TRIB2: variants seen among roughly 807,000 people sequenced by gnomAD.
TRIB2 encodes tribbles homolog 2.
In TRIB2, 2 loss-of-function variants were observed where a neutral mutation model predicts 26.8. That is an observed-to-expected ratio of 0.07 (90% CI 0.03 to 0.24). TRIB2 has a LOEUF of 0.24. Among genes scored for constraint, TRIB2 ranks in the 10% least tolerant of loss-of-function variants. The pLI is 1.00. For missense variants in TRIB2, 306 were observed against 449.0 expected, an observed-to-expected ratio of 0.68 and a Z score of 2.88; for synonymous variants, 189 against 187.3, an observed-to-expected ratio of 1.01 and a Z score of -0.08.
rs368445022 is a variant in TRIB2 at position 12,738,384 on chromosome 2, G to A, written c.564-1942G>A. Among the ~76,000 whole-genome samples the A allele has an allele frequency of 4.0e-4, 61 of 152,250 alleles. No individual in the cohort carries two copies. The South Asian group carries it at 7.3e-3, about 18-fold the overall frequency. On this transcript the variant is annotated intron_variant, in intron 2 of 2. Coordinates refer to ENST00000155926, the MANE Select transcript of TRIB2 (RefSeq NM_021643.4). ...GGGCAAACAGGGCAGATGCTTGCAC[G>A]TGCGCTTGCATGTGTGCTTTTGAGA... is the stretch of plus-strand genomic sequence containing the variant.
rs1661306722 is a variant in TRIB2, at chr2:12,724,967, A to G, written c.563+1415A>G. The G allele has an allele frequency of 3.1e-6, 4 of 1,302,394 alleles. No individual in the cohort carries two copies. In the African/African-American group the frequency reaches 6.0e-5, roughly 19 times the overall value. The allele number at this position is 1,302,394 out of a possible 1,614,324, so 80.7% of individuals were successfully genotyped here. On this transcript the variant is annotated intron_variant, in intron 2 of 2. Transcript: ENST00000155926. The stretch of plus-strand genomic sequence containing the variant: ...AAGAGGTCATATTTGTTTACCTCTT[A>G]CCATAAGGTTAAAGTTTAATTCTCT...
chr2:12,722,862 G>T (rs1001506590), intron 1 of TRIB2, among the ~76,000 whole-genome samples: 1 of 152,124 alleles, frequency 6.6e-6, no homozygotes, highest in Non-Finnish European at 1.5e-5. Flanking sequence ...ATAAAGTGTT[G>T]TTGATGTCAT....
chr2:12,731,844 C>A (rs1048095815), intron 2 of TRIB2, among the ~76,000 whole-genome samples: 1 of 152,146 alleles, frequency 6.6e-6, no homozygotes, highest in Non-Finnish European at 1.5e-5. Context: ...AATTCTGGAC[C>A]CCGAAGCACT....
Position 12,740,689 on chromosome 2 carries a change from T to C in TRIB2, c.927T>C (p.Ser309=), listed in dbSNP as rs773201528. ...SQEILDHPWF[S]TDFSVSNSAY... ...AAATTCTGGACCATCCTTGGTTTTC[T>C]ACAGATTTTAGCGTCTCGAATTCAG... Residue 309 remains serine (S), a synonymous_variant, in exon 3 of 3, where the codon TCT becomes TCC. Transcript: ENST00000155926. This position sits in a 1 kb window ranked among gnomAD's most constrained non-coding sequence, Gnocchi z 5.8. 20 of 1,614,186 alleles carry C rather than the reference T, an allele frequency of 1.2e-5. No individual in the cohort carries two copies. Among genetic ancestry groups the C allele is most frequent in the Non-Finnish European group, 1.7e-5 (20 of 1,180,016 alleles).
chr2:12,723,192 C>T, intron 1 of TRIB2, 68 bp from the exon 2 acceptor site: 1 of 1,523,560 alleles, frequency 6.6e-7, no homozygotes, highest in Non-Finnish European at 8.9e-7. Flanking sequence ...GTGGGAGGTG[C>T]AGCATTATGT....
rs1572486288 is a variant in TRIB2 at position 12,738,789 on chromosome 2, C to T, written c.564-1537C>T. Among the ~76,000 whole-genome samples, 4 of 152,116 alleles carry T rather than the reference C, an allele frequency of 2.6e-5. No individual in the cohort carries two copies. The South Asian group carries it at 6.2e-4, about 24-fold the overall frequency. On this transcript the variant is annotated intron_variant, in intron 2 of 2. Transcript: ENST00000155926. Reference sequence around the variant, plus strand: ...TTCACCATAGCCTTGAACAAGTCACCGCGCATCCTGGCCCTCACAGTAGAT... The same window carrying T: ...TTCACCATAGCCTTGAACAAGTCACTGCGCATCCTGGCCCTCACAGTAGAT...
chr2:12,720,755 TAG>T lies in TRIB2; in HGVS notation c.270+2182_270+2183del, dbSNP rs1183484912. Among the ~76,000 whole-genome samples, 6 of 152,338 alleles carry T rather than the reference TAG, an allele frequency of 3.9e-5. No homozygotes were observed. The South Asian group carries it at 6.2e-4, about 16-fold the overall frequency. The stretch of plus-strand genomic sequence containing the variant: ...TTCCATAGGACACTATTTGGAGGAA[TAG>T]AGATTCCAGAGTCATTTAAACAAAA... On this transcript the variant is annotated intron_variant, in intron 1 of 2. Transcript: ENST00000155926.
chr2:12,739,442 T>C (rs1190550338), intron 2 of TRIB2, among the ~76,000 whole-genome samples: 3 of 151,948 alleles, frequency 2.0e-5, no homozygotes, highest in African/African-American at 7.2e-5. Context: ...GTATTTTTAG[T>C]AGAGATGAGG....
intron 2 of TRIB2, among the ~76,000 whole-genome samples, chr2:12,735,722 G>A (rs1007172833): frequency 2.6e-5 from 4 of 152,144 alleles, no homozygotes; most frequent in Non-Finnish European, 5.9e-5. Context: ...CCAGGTCTCT[G>A]TGGCCTCAGG....
In TRIB2 at chr2:12,732,818, T is replaced by C. The variant is rs1276779541; in HGVS notation, c.564-7508T>C. Among the ~76,000 whole-genome samples the C allele has an allele frequency of 6.6e-6, 1 of 152,186 alleles. No individual in the cohort carries two copies. Among genetic ancestry groups the C allele is most frequent in the Non-Finnish European group, 1.5e-5 (1 of 68,030 alleles). ...TGGACTGGCTGCCCAGAGGACTTTT[T>C]CAGTAACAGTCAGGGCAAGGTCAGA... On this transcript the variant is annotated intron_variant, in intron 2 of 2. Coordinates refer to ENST00000155926, the MANE Select transcript of TRIB2 (RefSeq NM_021643.4). This position sits in a 1 kb window ranked among gnomAD's most constrained non-coding sequence, Gnocchi z 4.2.
At chr2:12,737,747 C>G (rs1452514293) in intron 2 of TRIB2, among the ~76,000 whole-genome samples, 1 of 152,176 alleles carries the variant, frequency 6.6e-6, no homozygotes, top group Non-Finnish European at 1.5e-5. Context: ...TTAAGACTGC[C>G]TTGTCCAGAT....
intron 2 of TRIB2, 140 bp downstream of exon 2, chr2:12,723,692 T>A: frequency 1.0e-6 from 1 of 990,554 alleles, no homozygotes; most frequent in Non-Finnish European, 1.5e-6. Flanking sequence ...CAAAAGGAAG[T>A]GAATATTGCA....
chr2:12,728,927 G>A (rs1476864489), intron 2 of TRIB2, among the ~76,000 whole-genome samples: 3 of 152,182 alleles, frequency 2.0e-5, no homozygotes, highest in Non-Finnish European at 2.9e-5. Flanking sequence ...ATCTAACAGA[G>A]TACAGAGGGC....
intron 2 of TRIB2, among the ~76,000 whole-genome samples, chr2:12,726,303 A>C (rs1038166334): frequency 2.2e-4 from 34 of 152,348 alleles, no homozygotes; most frequent in African/African-American, 7.9e-4. Context: ...TCGATTCCAG[A>C]ATGTGAAACT....
At chr2:12,728,599 T>A (rs1259503050) in intron 2 of TRIB2, among the ~76,000 whole-genome samples, 1 of 152,240 alleles carries the variant, frequency 6.6e-6, no homozygotes, top group African/African-American at 2.4e-5. Context: ...CATGCCTCTT[T>A]ACATGTTTCT....
chr2:12,730,473 G>A (rs1040550240), intron 2 of TRIB2, among the ~76,000 whole-genome samples: 8 of 152,220 alleles, frequency 5.3e-5, no homozygotes, highest in Non-Finnish European at 1.0e-4. Context: ...TGTGCACCAG[G>A]AGGACCTGAC....
At chr2:12,736,129 G>A (rs1194354372) in intron 2 of TRIB2, among the ~76,000 whole-genome samples, 1 of 152,082 alleles carries the variant, frequency 6.6e-6, no homozygotes, top group Non-Finnish European at 1.5e-5. Context: ...AGGTGAAGGA[G>A]AAAGTCAGAA....
rs1341468667 is a variant in TRIB2 at position 12,742,291 on chromosome 2, T to G, written c.*1497T>G. The G allele has an allele frequency of 6.5e-6, 1 of 152,680 alleles. No homozygotes were observed. Among genetic ancestry groups the G allele is most frequent in the Non-Finnish European group, 1.5e-5 (1 of 68,040 alleles). 9.5% of individuals were successfully genotyped at this position (152,680 alleles called of 1,614,324 possible). ...CTGTATATGTTTTGTGAAATGGTCC[T>G]GTTTTTGGGTAGGTGACACGTGGAC... On this transcript the variant is annotated 3_prime_UTR_variant, in exon 3 of 3. Coordinates refer to ENST00000155926, the MANE Select transcript of TRIB2 (RefSeq NM_021643.4).
intron 2 of TRIB2, among the ~76,000 whole-genome samples, chr2:12,725,137 G>T (rs1661309986): frequency 6.6e-6 from 1 of 152,192 alleles, no homozygotes; most frequent in African/African-American, 2.4e-5. Flanking sequence ...AAATTCATTT[G>T]TCTGCCAGAG....
Sources: allele counts gnomAD v4.1 joint callset (sites outside exome capture counted in the v4.1 genomes callset), GRCh38; gene constraint gnomAD v4.1.1; non-coding constraint Gnocchi (gnomAD v3.1); transcripts MANE v1.5; gene names NCBI Gene and HGNC (gene_info 2026-07-23, HGNC 2026-07-21).